The following SYNE2 variants were observed in gnomAD, a reference collection of about 807,000 sequenced individuals.
SYNE2 encodes nesprin-2.
In SYNE2, 431 loss-of-function variants were observed where a neutral mutation model predicts 856.3. That is an observed-to-expected ratio of 0.50 (90% CI 0.47 to 0.55). The LOEUF (loss-of-function observed/expected upper bound fraction) is 0.55. Ranked by LOEUF, SYNE2 falls within the 20% of genes least tolerant of loss-of-function variation. The probability of loss-of-function intolerance (pLI) is 0.00; values close to 1 mark genes in which losing one functional copy is unlikely to be tolerated. For synonymous variants in SYNE2, 2,923 were observed against 2,872.3 expected (o/e 1.02, Z -0.56); for missense variants, 8,129 against 8,023.2 (o/e 1.01, Z -0.50).
intron 18 of SYNE2, 108 bp downstream of exon 18, chr14:63,983,994 C>T: frequency 1.2e-6 from 1 of 802,074 alleles, no homozygotes; most frequent in Non-Finnish European, 2.0e-6. Flanking sequence ...GTAATCCCAG[C>T]ACTTTGGGAG....
intron 66 of SYNE2, among the ~76,000 whole-genome samples, chr14:64,117,510 T>C (rs1209137119): frequency 6.6e-6 from 1 of 152,104 alleles, no homozygotes; most frequent in Non-Finnish European, 1.5e-5. Flanking sequence ...TTGCCCAGGC[T>C]GGTCTCAAAC....
chr14:63,969,195 A>G (rs1293761389), intron 11 of SYNE2, among the ~76,000 whole-genome samples: 7 of 136,768 alleles, frequency 5.1e-5, no homozygotes, highest in Admixed American at 4.7e-4. Context: ...TTTGAGATGG[A>G]GTCTTGCTCC....
intron 80 of SYNE2, 75 bp from the exon 81 acceptor site, chr14:64,141,266 C>A: frequency 8.2e-7 from 1 of 1,215,852 alleles, no homozygotes; most frequent in Non-Finnish European, 1.2e-6. Context: ...TTTGTTGACT[C>A]TAGCCAGTTA....
chr14:63,771,896 C>CAAAAAAAAAAAAAAAAAAAA (rs59481661), intron 1 of SYNE2, among the ~76,000 whole-genome samples: 2 of 148,036 alleles, frequency 1.4e-5, no homozygotes, highest in African/African-American at 5.3e-5. Context: ...GACTCTGTCT[C>CAAAAAAAAAAAAAAAAAAAA]AAAAAGCAAA....
Position 64,071,390 on chromosome 14 carries a change from A to G in SYNE2, c.10697+480A>G, listed in dbSNP as rs2097406164. Among the ~76,000 whole-genome samples the G allele has an allele frequency of 2.0e-5, 3 of 152,152 alleles. No homozygotes were observed. The South Asian group carries it at 6.2e-4, about 32-fold the overall frequency. ...GAGCTTGTAGTCCCAGCTACTCGGG[A>G]GGCTGAGGCAGGAGAATGGCGTGAA... On this transcript the variant is annotated intron_variant, in intron 52 of 115. Transcript: ENST00000555002.
At chr14:63,936,152 C>T (rs562911231) in intron 2 of SYNE2, among the ~76,000 whole-genome samples, 1 of 152,272 alleles carries the variant, frequency 6.6e-6, no homozygotes, top group Non-Finnish European at 1.5e-5. Context: ...GGATTACAGG[C>T]GTGAGCCACC....
chr14:64,034,799 A>G (rs866483199), intron 45 of SYNE2, among the ~76,000 whole-genome samples: 13 of 152,130 alleles, frequency 8.5e-5, no homozygotes, highest in Non-Finnish European at 1.2e-4. Context: ...CCTCCTTTCT[A>G]TATAGGTTAA....
At chr14:64,225,124 C>T (rs1596337597) in intron 115 of SYNE2, 79 bp downstream of exon 115, 1 of 1,576,748 alleles carries the variant, frequency 6.3e-7, no homozygotes, top group Non-Finnish European at 8.7e-7. Flanking sequence ...ATGCCACTAT[C>T]AAGGTCCTTG....
Position 64,186,542 on chromosome 14 carries a change from A to G in SYNE2, c.17675A>G (p.Glu5892Gly). Residue 5892 changes from glutamate to glycine, a missense_variant, in exon 97 of 116, where the codon GAG (glutamate) becomes GGG (glycine). By Grantham distance (98) the Glu-to-Gly change is moderately conservative. Around this residue, in one of 3 missense-constraint regions of SYNE2, gnomAD observed 5,410 missense variants for 5,284.8 expected, o/e 1.02. Transcript: ENST00000555002. ...GTGATGGTTTTGAAGGAGCAAATAGAGCATTTGCACAGACAATGGGAGGAC... is the reference window on the plus strand; with the variant it reads ...GTGATGGTTTTGAAGGAGCAAATAGGGCATTTGCACAGACAATGGGAGGAC... ...EDVMVLKEQI[E>G]HLHRQWEDLC... 6.2e-7 allele frequency: 1 copy of G among 1,614,232 alleles called. No individual in the cohort carries two copies.
intron 96 of SYNE2, among the ~76,000 whole-genome samples, chr14:64,185,621 A>G (rs573367741): frequency 1.3e-5 from 2 of 148,366 alleles, no homozygotes; most frequent in Non-Finnish European, 3.0e-5. Flanking sequence ...CCTGGGTTCA[A>G]GCAATTCTCC....
At chr14:63,951,554 C>T (rs1255868) in intron 7 of SYNE2, among the ~76,000 whole-genome samples, 61,358 of 152,096 alleles carry the variant, frequency 0.4, 14,534 homozygotes, top group South Asian at 0.54. Context: ...CTGCCCACCT[C>T]GGCCTCCCAA....
intron 112 of SYNE2, among the ~76,000 whole-genome samples, chr14:64,222,909 T>C (rs1354997511): frequency 6.6e-6 from 1 of 152,180 alleles, no homozygotes; most frequent in South Asian, 2.1e-4. Flanking sequence ...GACCTGGTCT[T>C]CCCACACCAC....
intron 1 of SYNE2, among the ~76,000 whole-genome samples, chr14:63,896,196 A>G (rs2095250080): frequency 6.6e-6 from 1 of 152,232 alleles, no homozygotes; most frequent in Non-Finnish European, 1.5e-5. Flanking sequence ...TTTTCTTGGT[A>G]CTGAGACCTG....
At chr14:63,974,022 G>T (rs1049143013) in intron 11 of SYNE2, among the ~76,000 whole-genome samples, 2 of 152,176 alleles carry the variant, frequency 1.3e-5, no homozygotes, top group Non-Finnish European at 2.9e-5. Flanking sequence ...TTGAGGCCAG[G>T]AGTTCAAGAC....
chr14:64,132,452 G>A lies in SYNE2; in HGVS notation c.14514+14G>A. ...AGTTTGTTGCAGGTATTTGGGTTAT[G>A]TAAACGTTGTACTGAAGCTGGGAAT... On this transcript the variant is annotated intron_variant, in intron 77 of 115. Coordinates refer to ENST00000555002, the MANE Select transcript of SYNE2 (RefSeq NM_182914.3). The A allele has an allele frequency of 5.0e-6, 8 of 1,614,174 alleles. No individual in the cohort carries two copies. Among genetic ancestry groups the A allele is most frequent in the Non-Finnish European group, 6.8e-6 (8 of 1,180,014 alleles).
chr14:64,143,741 C>G (rs1348298589), intron 82 of SYNE2, 31 bp from the exon 83 acceptor site: 1 of 1,612,322 alleles, frequency 6.2e-7, no homozygotes, highest in Non-Finnish European at 8.5e-7. Context: ...ACATTCATGA[C>G]TGCTTTGGTG....
intron 9 of SYNE2, 142 bp downstream of exon 9, chr14:63,961,767 C>T: frequency 1.4e-6 from 1 of 702,226 alleles, no homozygotes; most frequent in Non-Finnish European, 2.5e-6. Flanking sequence ...ATACTTCAAT[C>T]ATGATGTAAA....
intron 84 of SYNE2, among the ~76,000 whole-genome samples, chr14:64,146,757 G>C (rs2098190684): frequency 1.3e-5 from 2 of 152,234 alleles, no homozygotes; most frequent in South Asian, 4.1e-4. Flanking sequence ...TTTGCACACT[G>C]ATCCTGCTTT....
chr14:64,068,639 A>G (rs1025084648), intron 51 of SYNE2, among the ~76,000 whole-genome samples: 1 of 152,050 alleles, frequency 6.6e-6, no homozygotes, highest in African/African-American at 2.4e-5. Context: ...AGACAGGTGG[A>G]TCACGAGGTC....
Sources: gnomAD v4.1 joint callset for allele counts (sites outside exome capture counted in the v4.1 genomes callset) on GRCh38, gnomAD v4.1.1 for gene constraint, gnomAD v4.1.1 regional missense constraint, MANE v1.5 for transcripts, NCBI Gene and HGNC (gene_info 2026-07-23, HGNC 2026-07-21) for gene names.